MYO10: variants seen among roughly 807,000 people sequenced by gnomAD.
MYO10 encodes the protein unconventional myosin-X.
In MYO10, 133 loss-of-function variants were observed where a neutral mutation model predicts 257.3. The observed-to-expected ratio is 0.52, with a 90% CI of 0.45 to 0.60. The LOEUF is 0.60. MYO10 is among the 20% of genes least tolerant of loss of function. The probability of loss-of-function intolerance (pLI) is 0.00; values close to 1 mark genes in which losing one functional copy is unlikely to be tolerated. For synonymous variants in MYO10, 1,104 were observed against 1,028.6 expected (o/e 1.07, Z -1.40); for missense variants, 2,399 against 2,635.7 (o/e 0.91, Z 1.97).
intron 1 of MYO10, among the ~76,000 whole-genome samples, chr5:16,921,235 T>C (rs1301598462): frequency 6.6e-6 from 1 of 151,150 alleles, no homozygotes; most frequent in African/African-American, 2.4e-5. Flanking sequence ...TAACTTGACA[T>C]GCCCTCAAAG....
At chr5:16,846,094 A>G (rs963129930) in intron 2 of MYO10, among the ~76,000 whole-genome samples, 3 of 152,210 alleles carry the variant, frequency 2.0e-5, no homozygotes, top group African/African-American at 7.2e-5. Flanking sequence ...TGGGAGCCAC[A>G]GAATACAGTG....
intron 1 of MYO10, among the ~76,000 whole-genome samples, chr5:16,900,735 C>T (rs1465199802): frequency 1.7e-5 from 2 of 120,730 alleles, no homozygotes; most frequent in East Asian, 2.9e-4. Context: ...ACACACCTCC[C>T]TAAATCTTGT....
intron 1 of MYO10, among the ~76,000 whole-genome samples, chr5:16,898,413 C>T (rs1316049819): frequency 1.2e-4 from 17 of 136,964 alleles, no homozygotes; most frequent in African/African-American, 3.3e-4. Context: ...ATTTCTTTCT[C>T]TTTTTTTTTT....
At chr5:16,726,868 T>C (rs1739387321) in intron 19 of MYO10, among the ~76,000 whole-genome samples, 1 of 152,214 alleles carries the variant, frequency 6.6e-6, no homozygotes, top group Admixed American at 6.5e-5. Context: ...CCTGTTCTTG[T>C]AAATAAAGTT....
intron 18 of MYO10, among the ~76,000 whole-genome samples, chr5:16,756,369 A>G (rs1175855751): frequency 1.3e-5 from 2 of 152,168 alleles, no homozygotes; most frequent in Non-Finnish European, 2.9e-5. Flanking sequence ...CCCAGCCCAT[A>G]AATTTTAAAG....
intron 1 of MYO10, chr5:16,902,165 C>G: frequency 1.7e-6 from 1 of 590,966 alleles, no homozygotes. Flanking sequence ...CCTGCCTCAG[C>G]CTCCCAAGTA....
At chr5:16,712,647 A>C (rs1192208343) in intron 19 of MYO10, among the ~76,000 whole-genome samples, 2 of 152,252 alleles carry the variant, frequency 1.3e-5, no homozygotes, top group Non-Finnish European at 2.9e-5. Context: ...ATTGGCAAAA[A>C]AATAAATTTA....
Position 16,701,321 on chromosome 5 carries a change from G to C in MYO10, c.3074C>G (p.Thr1025Ser), listed in dbSNP as rs1411711222. 1 of 1,613,860 alleles carries C rather than the reference G, an allele frequency of 6.2e-7. No individual in the cohort carries two copies. The highest frequency in any genetic ancestry group is 2.2e-5 in the East Asian group (1 of 44,862). The part of the protein sequence containing the change: ...HSDQRTSGIR[T>S]SDDSSEEDPY... ...GTCCTCCTCTGAAGAGTCATCGCTGGTCCGGATGCCACTTGTTCGCTGGTC... is the reference window on the plus strand; with the variant it reads ...GTCCTCCTCTGAAGAGTCATCGCTGCTCCGGATGCCACTTGTTCGCTGGTC... Residue 1025 changes from threonine to serine, a missense_variant, in exon 25 of 41, where the codon ACC becomes AGC. Coordinates refer to ENST00000513610, the MANE Select transcript of MYO10 (RefSeq NM_012334.3). The surrounding 1 kb of genome is among the most constrained non-coding windows in gnomAD (Gnocchi z 8.1).
At chr5:16,737,565 A>G (rs1739853725) in intron 19 of MYO10, among the ~76,000 whole-genome samples, 1 of 152,276 alleles carries the variant, frequency 6.6e-6, no homozygotes, top group Admixed American at 6.5e-5. Flanking sequence ...CACAGTTAAA[A>G]GCAATAACAA....
intron 19 of MYO10, 143 bp from the exon 20 acceptor site, chr5:16,711,388 C>A: frequency 1.1e-6 from 1 of 878,922 alleles, no homozygotes; most frequent in Non-Finnish European, 1.7e-6. Flanking sequence ...GAAATAGAGA[C>A]TAGCACAGGA....
intron 30 of MYO10, among the ~76,000 whole-genome samples, chr5:16,682,841 G>A (rs1737070481): frequency 6.6e-6 from 1 of 152,026 alleles, no homozygotes; most frequent in African/African-American, 2.4e-5. Flanking sequence ...AGGGAGAAAA[G>A]TGGCCAGTTG....
intron 2 of MYO10, among the ~76,000 whole-genome samples, chr5:16,818,697 C>A (rs548249942): frequency 6.6e-6 from 1 of 152,086 alleles, no homozygotes; most frequent in East Asian, 1.9e-4. Flanking sequence ...CTTGGCCCCC[C>A]AGAAGTGCTG....
At chr5:16,853,351 G>T (rs1003090408) in intron 2 of MYO10, among the ~76,000 whole-genome samples, 26 of 150,988 alleles carry the variant, frequency 1.7e-4, no homozygotes, top group African/African-American at 6.1e-4. Flanking sequence ...TCCAGCCTGG[G>T]CGACAGAGTG....
intron 10 of MYO10, among the ~76,000 whole-genome samples, chr5:16,767,927 C>T (rs997600507): frequency 2.6e-5 from 4 of 152,150 alleles, no homozygotes; most frequent in African/African-American, 7.2e-5. Context: ...ATCCACCTGC[C>T]TCATCCTCCC....
rs573214167 is a variant in MYO10 at position 16,671,538 on chromosome 5, C to G, written c.5314G>C (p.Ala1772Pro). The G allele has an allele frequency of 6.2e-7, 1 of 1,613,896 alleles. No individual in the cohort carries two copies. The highest frequency in any genetic ancestry group is 2.2e-5 in the East Asian group (1 of 44,872). ...ADVLAKFEKL[A>P]ATSEVGDLPW... is the part of the protein sequence containing the mutation. ...AGGTCCCCAACCTCGGATGTGGCAG[C>G]CAGCCTACAGAGAGGAGTCAAGAGA... The change falls in exon 38 of 41, where the codon GCT (alanine) becomes CCT (proline). Residue 1772 changes from alanine to proline, a missense_variant. Physicochemically the swap from Ala to Pro is conservative, Grantham distance 27. Coordinates refer to ENST00000513610, the MANE Select transcript of MYO10 (RefSeq NM_012334.3).
At chr5:16,903,015 C>A (rs1745426806) in intron 1 of MYO10, among the ~76,000 whole-genome samples, 1 of 152,248 alleles carries the variant, frequency 6.6e-6, no homozygotes, top group Non-Finnish European at 1.5e-5. Flanking sequence ...GGAGAATAAT[C>A]CTAACAGCTG....
At chr5:16,783,235 A>G (rs1230961858) in intron 5 of MYO10, 100 bp downstream of exon 5, 2 of 1,231,236 alleles carry the variant, frequency 1.6e-6, no homozygotes, top group African/African-American at 1.5e-5. Context: ...AAGTCAAGAA[A>G]AAGAGAAACG....
intron 2 of MYO10, among the ~76,000 whole-genome samples, chr5:16,826,919 T>G (rs1291907507): frequency 6.6e-6 from 1 of 152,224 alleles, no homozygotes; most frequent in Non-Finnish European, 1.5e-5. Flanking sequence ...TCAGCTTCAC[T>G]GACCCTGTGC....
At chr5:16,888,133 C>A (rs1487978331) in intron 1 of MYO10, among the ~76,000 whole-genome samples, 1 of 152,166 alleles carries the variant, frequency 6.6e-6, no homozygotes, top group Non-Finnish European at 1.5e-5. Context: ...ATTCTTCCAT[C>A]CCTCATACTT....
Sources: gnomAD v4.1 joint callset for allele counts (sites outside exome capture counted in the v4.1 genomes callset) on GRCh38, gnomAD v4.1.1 for gene constraint, Gnocchi (gnomAD v3.1) non-coding constraint, MANE v1.5 for transcripts, NCBI Gene and HGNC (gene_info 2026-07-23, HGNC 2026-07-21) for gene names.